Variants in MARK1 observed in about 807,000 individuals in gnomAD.
MARK1 encodes the protein serine/threonine-protein kinase MARK1.
A neutral mutation model predicts 96.3 loss-of-function variants in MARK1; 40 were observed. That is an observed-to-expected ratio of 0.42 (90% CI 0.32 to 0.54). The LOEUF (loss-of-function observed/expected upper bound fraction) is 0.54. Among genes scored for constraint, MARK1 ranks in the 20% least tolerant of loss-of-function variants. MARK1 has a pLI of 0.16. For missense variants in MARK1, 719 were observed against 984.6 expected (o/e 0.73, Z 3.61); for synonymous variants, 317 against 341.2 (o/e 0.93, Z 0.78).
chr1:220,639,587 A>G (rs1258840880), intron 13 of MARK1, among the ~76,000 whole-genome samples: 2 of 152,100 alleles, frequency 1.3e-5, no homozygotes, highest in Non-Finnish European at 2.9e-5. Flanking sequence ...CAAAAGTTCC[A>G]TGTCTGGGTC....
At chr1:220,576,697 A>G (rs1247740002) in intron 1 of MARK1, 1 of 152,196 alleles carries the variant, frequency 6.6e-6, no homozygotes, top group African/African-American at 2.4e-5. Context: ...CTATAAGGGT[A>G]CCAGGAGTAT....
intron 1 of MARK1, among the ~76,000 whole-genome samples, chr1:220,560,053 AG>A (rs1433968737): frequency 6.6e-6 from 1 of 152,166 alleles, no homozygotes; most frequent in East Asian, 1.9e-4. Flanking sequence ...AGAAGGCAAA[AG>A]GTACCTCTTA....
chr1:220,653,524 C>T (rs932814727), intron 16 of MARK1, among the ~76,000 whole-genome samples, 172 bp downstream of exon 16: 1 of 151,790 alleles, frequency 6.6e-6, no homozygotes, highest in African/African-American at 2.4e-5. Context: ...AAGTATTTTT[C>T]CTTAAGAGAG....
intron 9 of MARK1, among the ~76,000 whole-genome samples, chr1:220,620,894 C>T (rs1181449461): frequency 6.6e-6 from 1 of 152,036 alleles, no homozygotes; most frequent in Non-Finnish European, 1.5e-5. Flanking sequence ...GGAAACTTGA[C>T]ACCATTTTTT....
intron 5 of MARK1, among the ~76,000 whole-genome samples, chr1:220,600,432 T>C (rs944373291): frequency 6.6e-6 from 1 of 152,202 alleles, no homozygotes; most frequent in Non-Finnish European, 1.5e-5. Flanking sequence ...ATATCACATA[T>C]GTTTTAACTA....
chr1:220,587,376 T>G (rs1158890722), intron 3 of MARK1, among the ~76,000 whole-genome samples: 1 of 151,222 alleles, frequency 6.6e-6, no homozygotes, highest in Non-Finnish European at 1.5e-5. Context: ...TCTTTCTTTC[T>G]TTCTTTTTTT....
chr1:220,545,973 G>A (rs940896457), intron 1 of MARK1, among the ~76,000 whole-genome samples: 2 of 152,132 alleles, frequency 1.3e-5, no homozygotes, highest in African/African-American at 2.4e-5. Flanking sequence ...AGTTTGGTGA[G>A]ATATCACCCT....
At chr1:220,565,955 G>A (rs189751921) in intron 1 of MARK1, among the ~76,000 whole-genome samples, 46 of 152,210 alleles carry the variant, frequency 3.0e-4, no homozygotes, top group Admixed American at 5.2e-4. Flanking sequence ...GGTTTGGGGA[G>A]GTAGCTCTAG....
intron 13 of MARK1, among the ~76,000 whole-genome samples, chr1:220,642,667 G>T (rs1337313138): frequency 6.6e-6 from 1 of 152,226 alleles, no homozygotes; most frequent in Non-Finnish European, 1.5e-5. Context: ...TGTGCTTTTT[G>T]TCTGGGTGAG....
chr1:220,626,244 G>A (rs1189621437), intron 9 of MARK1: 2 of 530,040 alleles, frequency 3.8e-6, no homozygotes, highest in African/African-American at 3.8e-5. Context: ...ACCAGAGGGT[G>A]CTGTATATTG....
chr1:220,555,676 A>G (rs555959046), intron 1 of MARK1, among the ~76,000 whole-genome samples: 1 of 152,338 alleles, frequency 6.6e-6, no homozygotes, highest in South Asian at 2.1e-4. Context: ...TTGGAAATTA[A>G]GTTATGTTTG....
In MARK1 at chr1:220,618,983, TAAA is replaced by T. The variant is rs1343790326; in HGVS notation, c.909+231_909+233del. On this transcript the variant is annotated intron_variant, in intron 9 of 17. Coordinates refer to ENST00000366917, the MANE Select transcript of MARK1 (RefSeq NM_018650.5). This position sits in a 1 kb window ranked among gnomAD's most constrained non-coding sequence, Gnocchi z 4.6. ...CTTTGTTCTGCAGTGCCGTATTAAA[TAAA>T]AACAACACAAAAATAGAGGTTGACT... is the stretch of plus-strand genomic sequence containing the variant. Among the ~76,000 whole-genome samples, 1 of 152,198 alleles carries T rather than the reference TAAA, an allele frequency of 6.6e-6. No homozygotes were observed. Among genetic ancestry groups the T allele is most frequent in the African/African-American group, 2.4e-5 (1 of 41,452 alleles).
chr1:220,585,269 A>G (rs1370004959), intron 3 of MARK1, among the ~76,000 whole-genome samples: 3 of 152,198 alleles, frequency 2.0e-5, no homozygotes, highest in Non-Finnish European at 2.9e-5. Flanking sequence ...CAAAGTACTG[A>G]AAACAGAGTA....
chr1:220,530,268 T>C (rs1660227350), intron 1 of MARK1, among the ~76,000 whole-genome samples: 1 of 152,234 alleles, frequency 6.6e-6, no homozygotes, highest in Non-Finnish European at 1.5e-5. Flanking sequence ...TATCATAAAT[T>C]AGAACTTCAT....
At chr1:220,656,591 T>C (rs1270197927) in intron 16 of MARK1, among the ~76,000 whole-genome samples, 1 of 152,208 alleles carries the variant, frequency 6.6e-6, no homozygotes, top group African/African-American at 2.4e-5. Context: ...TAACTGAAAA[T>C]GTACATTTCA....
intron 1 of MARK1, among the ~76,000 whole-genome samples, chr1:220,576,006 T>C: frequency 4.0e-5 from 1 of 24,908 alleles, no homozygotes; most frequent in Non-Finnish European, 3.5e-4. Flanking sequence ...TTTTCTTCTC[T>C]CCCTCCCTCC....
chr1:220,635,721 CA>C, intron 12 of MARK1, 111 bp from the exon 13 acceptor site: 1 of 1,154,718 alleles, frequency 8.7e-7, no homozygotes, highest in Non-Finnish European at 1.2e-6. Flanking sequence ...AATCTTCGTT[CA>C]GAGTTTAAAG....
chr1:220,627,245 C>A, intron 9 of MARK1: 1 of 487,454 alleles, frequency 2.1e-6, no homozygotes, highest in Non-Finnish European at 4.2e-6. Flanking sequence ...AAACGAATTG[C>A]CTGTGAGGAA....
At chr1:220,620,860 C>T (rs1430784252) in intron 9 of MARK1, among the ~76,000 whole-genome samples, 1 of 152,174 alleles carries the variant, frequency 6.6e-6, no homozygotes. Flanking sequence ...ATTTGCTTCA[C>T]AGTTCCCAGA....
Sources: gnomAD v4.1 joint callset for allele counts (sites outside exome capture counted in the v4.1 genomes callset) on GRCh38, gnomAD v4.1.1 for gene constraint, Gnocchi (gnomAD v3.1) non-coding constraint, MANE v1.5 for transcripts, NCBI Gene and HGNC (gene_info 2026-07-23, HGNC 2026-07-21) for gene names.